Variants in DLG2 observed in about 807,000 individuals in gnomAD.
DLG2 encodes the protein discs large MAGUK scaffold protein 2.
A neutral mutation model predicts 132.5 loss-of-function variants in DLG2; 45 were observed. The ratio of observed to expected loss-of-function variants is 0.34; its 90% CI spans 0.27 to 0.44. The LOEUF (loss-of-function observed/expected upper bound fraction) is 0.44, where lower values mean the gene tolerates loss of function less well. DLG2 is among the 20% of genes least tolerant of loss of function. DLG2 has a pLI of 1.00. For missense variants in DLG2, 1,045 were observed against 1,196.9 expected (o/e 0.87, Z 1.87); for synonymous variants, 424 against 419.6 (o/e 1.01, Z -0.13).
chr11:84,970,852 C>A (rs1267880019), intron 6 of DLG2, among the ~76,000 whole-genome samples: 10 of 152,086 alleles, frequency 6.6e-5, no homozygotes, highest in African/African-American at 2.4e-4. Flanking sequence ...GTATATTAAC[C>A]ATAGCAGGGA....
chr11:84,149,322 GCTTT>G (rs1438366003), intron 9 of DLG2, among the ~76,000 whole-genome samples: 2 of 152,000 alleles, frequency 1.3e-5, no homozygotes, highest in African/African-American at 2.4e-5. Context: ...TATTTCTTGG[GCTTT>G]CTTTTAGGAT....
intron 6 of DLG2, among the ~76,000 whole-genome samples, chr11:85,012,395 A>AGG (rs2059214157): frequency 2.7e-5 from 4 of 149,742 alleles, no homozygotes; most frequent in Admixed American, 2.7e-4. Context: ...GTGGTGGTAC[A>AGG]TGCCTGTAGT....
chr11:84,945,948 T>C (rs180756446), intron 6 of DLG2, among the ~76,000 whole-genome samples: 1 of 151,992 alleles, frequency 6.6e-6, no homozygotes, highest in African/African-American at 2.4e-5. Flanking sequence ...TTTTCCCTCT[T>C]CTCTCCTCAA....
intron 6 of DLG2, among the ~76,000 whole-genome samples, chr11:84,730,379 A>C (rs948556613): frequency 1.3e-5 from 2 of 152,188 alleles, no homozygotes; most frequent in East Asian, 3.9e-4. Context: ...ACTATTAATA[A>C]ATGCTTAATA....
chr11:85,229,475 A>G (rs542512837), intron 4 of DLG2, among the ~76,000 whole-genome samples: 2 of 152,304 alleles, frequency 1.3e-5, no homozygotes, highest in East Asian at 3.9e-4. Flanking sequence ...ACGATCATTA[A>G]AAAGTCAGGA....
chr11:83,727,957 C>T (rs1275515825), intron 18 of DLG2, among the ~76,000 whole-genome samples: 1 of 152,152 alleles, frequency 6.6e-6, no homozygotes, highest in Non-Finnish European at 1.5e-5. Flanking sequence ...CAGCCAAATT[C>T]ATGGATTTTA....
At chr11:84,550,115 T>TACAC (rs60598747) in intron 6 of DLG2, among the ~76,000 whole-genome samples, 2,606 of 145,898 alleles carry the variant, frequency 0.018, 63 homozygotes, top group Admixed American at 0.073. Flanking sequence ...AACGAGCCTA[T>TACAC]ACACACACAC....
chr11:84,098,035 C>CTTTTTTTTTTT lies in DLG2; in HGVS notation c.749+877_749+887dup, dbSNP rs35298703. ...CCACCAACCTAAACTCACCATGTGCCTTTTTTTTTTTTTTTTTCTTTTTTG... is the reference window on the plus strand; with the variant it reads ...CCACCAACCTAAACTCACCATGTGCCTTTTTTTTTTTTTTTTTTTTTTTTTTTTCTTTTTTG... On this transcript the variant is annotated intron_variant, in intron 10 of 27. Transcript: ENST00000376104. Among the ~76,000 whole-genome samples, 86 of 121,752 alleles carry CTTTTTTTTTTT rather than the reference C, an allele frequency of 7.1e-4. 3 individuals carry two copies. The highest frequency in any genetic ancestry group is 1.0e-3 in the African/African-American group (32 of 31,104). 79.9% of individuals were successfully genotyped at this position (121,752 alleles called of 152,430 possible).
intron 6 of DLG2, among the ~76,000 whole-genome samples, chr11:85,084,501 A>G (rs2067651501): frequency 6.6e-6 from 1 of 152,172 alleles, no homozygotes; most frequent in African/African-American, 2.4e-5. Flanking sequence ...CTGAGTTGAG[A>G]ATACATAAGC....
At chr11:84,426,826 C>T (rs1171370076) in intron 7 of DLG2, among the ~76,000 whole-genome samples, 5 of 151,960 alleles carry the variant, frequency 3.3e-5, no homozygotes, top group Non-Finnish European at 5.9e-5. Context: ...CTGGCACTCA[C>T]GAAACAGGGA....
chr11:83,665,658 C>A (rs1273678485), intron 18 of DLG2, among the ~76,000 whole-genome samples: 2 of 152,076 alleles, frequency 1.3e-5, no homozygotes, highest in African/African-American at 4.8e-5. Flanking sequence ...ACTTTAACTA[C>A]AATAATAAAT....
chr11:83,937,317 C>A (rs2081658278), intron 14 of DLG2, among the ~76,000 whole-genome samples: 2 of 152,006 alleles, frequency 1.3e-5, no homozygotes, highest in South Asian at 4.2e-4. Flanking sequence ...ACCATCCTGG[C>A]TACCACGGTG....
intron 6 of DLG2, among the ~76,000 whole-genome samples, chr11:84,701,598 G>A (rs1055220007): frequency 6.6e-6 from 1 of 151,530 alleles, no homozygotes; most frequent in Non-Finnish European, 1.5e-5. Flanking sequence ...AGGGAATTTG[G>A]AAGTGTTTGA....
chr11:84,821,622 C>T (rs1261502862), intron 6 of DLG2, among the ~76,000 whole-genome samples: 2 of 88,298 alleles, frequency 2.3e-5, no homozygotes, highest in Admixed American at 1.2e-4. Flanking sequence ...ATGGTTCATA[C>T]AATGTAAAAA....
At chr11:84,319,110 C>T (rs181825926) in intron 7 of DLG2, among the ~76,000 whole-genome samples, 6 of 152,200 alleles carry the variant, frequency 3.9e-5, no homozygotes, top group Admixed American at 6.5e-5. Flanking sequence ...ATAACAAAGG[C>T]ATTAATAGTT....
At chr11:83,487,936 G>A (rs919968921) in intron 21 of DLG2, among the ~76,000 whole-genome samples, 2 of 151,900 alleles carry the variant, frequency 1.3e-5, no homozygotes, top group African/African-American at 2.4e-5. Context: ...ACAGAGATTG[G>A]GAAGTGGCAG....
chr11:85,496,090 G>A (rs1210938709), intron 3 of DLG2, among the ~76,000 whole-genome samples: 2 of 152,206 alleles, frequency 1.3e-5, no homozygotes, highest in East Asian at 1.9e-4. Flanking sequence ...CCAAAGCAGG[G>A]CACGGTGTCA....
chr11:83,850,159 TG>T (rs1251652445), intron 16 of DLG2, among the ~76,000 whole-genome samples: 48 of 128,562 alleles, frequency 3.7e-4, no homozygotes, highest in Admixed American at 6.7e-4. Flanking sequence ...TGTGTGTGTG[TG>T]TTTTTTTACT....
At chr11:84,558,140 A>T (rs1377411905) in intron 6 of DLG2, among the ~76,000 whole-genome samples, 1 of 152,168 alleles carries the variant, frequency 6.6e-6, no homozygotes, top group East Asian at 1.9e-4. Context: ...ATTAATATTT[A>T]TTCTAAGTGT....
Sources: gnomAD v4.1 joint callset for allele counts (sites outside exome capture counted in the v4.1 genomes callset) on GRCh38, gnomAD v4.1.1 for gene constraint, MANE v1.5 for transcripts, NCBI Gene and HGNC (gene_info 2026-07-23, HGNC 2026-07-21) for gene names.